RTN4: variants seen among roughly 807,000 people sequenced by gnomAD.
RTN4 encodes reticulon 4.
RTN4 carries 32 observed loss-of-function variants against 90.4 expected under a neutral mutation model. The observed-to-expected ratio is 0.35, with a 90% CI of 0.27 to 0.48. The LOEUF (loss-of-function observed/expected upper bound fraction) is 0.48, where lower values mean the gene tolerates loss of function less well. RTN4 is among the 20% of genes least tolerant of loss of function. The pLI is 0.99. For missense variants in RTN4, 1,706 were observed against 1,430.2 expected (o/e 1.19, Z -3.11); for synonymous variants, 629 against 552.5 (o/e 1.14, Z -1.94).
At chr2:55,058,614 G>A (rs1241815465) in intron 2 of RTN4, among the ~76,000 whole-genome samples, 1 of 152,140 alleles carries the variant, frequency 6.6e-6, no homozygotes, top group Non-Finnish European at 1.5e-5. Context: ...GGTAGTTGGA[G>A]GTTTTCATTC....
At chr2:55,009,069 C>T (rs1680444458) in intron 3 of RTN4, among the ~76,000 whole-genome samples, 1 of 152,014 alleles carries the variant, frequency 6.6e-6, no homozygotes, top group East Asian at 1.9e-4. Context: ...TCACCTTTTC[C>T]CCACATCTTT....
At chr2:54,975,488 T>A (rs1677549159) in intron 5 of RTN4, among the ~76,000 whole-genome samples, 1 of 152,170 alleles carries the variant, frequency 6.6e-6, no homozygotes, top group African/African-American at 2.4e-5. Flanking sequence ...AAAGCGGGGA[T>A]CAGCAAACTT....
At chr2:55,063,487 CA>C (rs1379694097) in intron 2 of RTN4, among the ~76,000 whole-genome samples, 1 of 151,132 alleles carries the variant, frequency 6.6e-6, no homozygotes, top group Non-Finnish European at 1.5e-5. Flanking sequence ...CTAGCAGATG[CA>C]ACGTCATTTA....
At chr2:55,055,498 T>C (rs999973589), upstream of RTN4, among the ~76,000 whole-genome samples, 5 of 152,182 alleles carry the variant, frequency 3.3e-5, no homozygotes, top group Non-Finnish European at 7.3e-5. Flanking sequence ...CCGGGCGCGG[T>C]GGCTCACGCC....
chr2:55,080,304 C>A (rs979460929), intron 2 of RTN4, among the ~76,000 whole-genome samples: 6 of 152,038 alleles, frequency 3.9e-5, no homozygotes, highest in Non-Finnish European at 5.9e-5. Flanking sequence ...AGGTGTGAAC[C>A]AATATGCCCA....
At chr2:55,119,811 G>C in the RTN4 span, among the ~76,000 whole-genome samples, 3 of 152,104 alleles carry the variant, frequency 2.0e-5, no homozygotes, top group African/African-American at 7.2e-5. Flanking sequence ...CATGTCATAG[G>C]GCTGTTGAGA....
chr2:55,052,469 C>A (rs866463222), upstream of RTN4, among the ~76,000 whole-genome samples: 1 of 152,290 alleles, frequency 6.6e-6, no homozygotes, highest in African/African-American at 2.4e-5. Context: ...ACAATATATT[C>A]AAGACCTATC....
upstream of RTN4, among the ~76,000 whole-genome samples, chr2:55,116,172 T>C (rs1365463776): frequency 7.1e-5 from 10 of 140,366 alleles, no homozygotes; most frequent in South Asian, 2.5e-4. Flanking sequence ...CAAGCTATCC[T>C]CCCGCCTGGC....
intron 1 of RTN4, among the ~76,000 whole-genome samples, chr2:55,037,986 G>A (rs1682805722): frequency 6.6e-6 from 1 of 152,094 alleles, no homozygotes. Context: ...ACTTCATATG[G>A]TCAATTTCTT....
the RTN4 span, among the ~76,000 whole-genome samples, chr2:55,128,272 G>A: frequency 6.6e-6 from 1 of 152,164 alleles, no homozygotes; most frequent in East Asian, 1.9e-4. Flanking sequence ...AGGAAAGGAT[G>A]GAACTCTCCA....
chr2:55,119,799 C>G, the RTN4 span, among the ~76,000 whole-genome samples: 19 of 152,304 alleles, frequency 1.2e-4, no homozygotes, highest in East Asian at 3.7e-3. Context: ...CTCCTCCTCC[C>G]TCATGTCATA....
intron 2 of RTN4, among the ~76,000 whole-genome samples, chr2:55,073,273 G>C (rs544091997): frequency 6.6e-6 from 1 of 152,028 alleles, no homozygotes; most frequent in Non-Finnish European, 1.5e-5. Context: ...ATTTCTCTCC[G>C]TAAATACCAA....
intron 3 of RTN4, among the ~76,000 whole-genome samples, chr2:55,005,366 T>A (rs1680136651): frequency 6.6e-6 from 1 of 152,192 alleles, no homozygotes; most frequent in African/African-American, 2.4e-5. Flanking sequence ...TGCTTACACA[T>A]CTTACAATAT....
intron 1 of RTN4, among the ~76,000 whole-genome samples, chr2:55,038,200 T>C (rs1682820585): frequency 6.6e-6 from 1 of 152,042 alleles, no homozygotes; most frequent in African/African-American, 2.4e-5. Context: ...AACCAAAGTG[T>C]CTTCACAATC....
chr2:55,025,519 T>G lies in RTN4; in HGVS notation c.2580A>C (p.Ser860=). The G allele has an allele frequency of 6.2e-7, 1 of 1,613,762 alleles. No homozygotes were observed. The highest frequency in any genetic ancestry group is 1.3e-5 in the African/African-American group (1 of 75,052). Residue 860 remains serine (S), a synonymous_variant, in exon 3 of 9, where the codon TCA becomes TCC. Transcript: ENST00000337526. ...CTATAATTTCAATTGGAGATGAATCTGAAAACGTTTCAGTTTCTCTTATCT... is the reference window on the plus strand; with the variant it reads ...CTATAATTTCAATTGGAGATGAATCGGAAAACGTTTCAGTTTCTCTTATCT... ...EAQIRETETF[S]DSSPIEIIDE... is the part of the protein sequence containing the mutation.
chr2:55,083,597 T>TA (rs1293278880), intron 1 of RTN4, among the ~76,000 whole-genome samples: 3 of 152,216 alleles, frequency 2.0e-5, no homozygotes, highest in East Asian at 3.9e-4. Flanking sequence ...AAAGCACATT[T>TA]AAAAAAATAG....
intron 3 of RTN4, among the ~76,000 whole-genome samples, chr2:54,990,044 G>C (rs1170667099): frequency 6.6e-6 from 1 of 152,132 alleles, no homozygotes; most frequent in Non-Finnish European, 1.5e-5. Flanking sequence ...CTATAGTTGG[G>C]TCACCTAGAC....
rs577461798 is a variant in RTN4 at position 55,056,002 on chromosome 2, G to A, written c.-63+24487C>T. Among the ~76,000 whole-genome samples the A allele has an allele frequency of 3.6e-3, 500 of 138,454 alleles. 2 individuals carry two copies. Among genetic ancestry groups the A allele is most frequent in the African/African-American group, 7.2e-3 (258 of 36,078 alleles). 90.8% of individuals were successfully genotyped at this position (138,454 alleles called of 152,430 possible). A position where few individuals can be genotyped will look rare whatever the true frequency, so the allele number is the denominator to read the frequency against. ...TATATGTGTTTGTGTGTGTGTGTGT[G>A]TGTATATATATATATATATCTGTAC... On this transcript the variant is annotated intron_variant, in intron 2 of 3. Transcript: ENST00000427710.
At chr2:55,123,140 TA>T in the RTN4 span, among the ~76,000 whole-genome samples, 874 of 152,074 alleles carry the variant, frequency 5.7e-3, 2 homozygotes, top group Non-Finnish European at 7.9e-3. Context: ...ACAAAGAAAA[TA>T]AAAAATTAAT....
Sources: gnomAD v4.1 joint callset for allele counts (sites outside exome capture counted in the v4.1 genomes callset) on GRCh38, gnomAD v4.1.1 for gene constraint, MANE v1.5 for transcripts, NCBI Gene and HGNC (gene_info 2026-07-23, HGNC 2026-07-21) for gene names.